Variants in PUM2 observed in about 807,000 individuals in gnomAD.
PUM2 encodes pumilio homolog 2.
Under a neutral mutation model 124.5 loss-of-function variants are expected in PUM2, and 57 were observed. The observed-to-expected ratio is 0.46, with a 90% confidence interval of 0.37 to 0.57. The LOEUF is 0.57. Among genes scored for constraint, PUM2 ranks in the 20% least tolerant of loss-of-function variants. PUM2 has a pLI of 0.00. For missense variants in PUM2, 1,065 were observed against 1,290.6 expected, an observed-to-expected ratio of 0.83 and a Z score of 2.68; for synonymous variants, 460 against 446.1, an observed-to-expected ratio of 1.03 and a Z score of -0.39.
rs71391758 is a variant in PUM2, at chr2:20,272,187, GAATA to G, written c.1957+6392_1957+6395del. 9.4e-3 allele frequency among the ~76,000 whole-genome samples: 1,390 copies of G among 147,452 alleles called. 30 individuals are homozygous for G. Among genetic ancestry groups the G allele is most frequent in the African/African-American group, 0.029 (1,112 of 39,004 alleles). On this transcript the variant is annotated intron_variant, in intron 13 of 20. Coordinates refer to ENST00000361078, the MANE Select transcript of PUM2 (RefSeq NM_015317.5). Reference sequence around the variant, plus strand: ...TGAATGAATGAATGAATGAATGAATGAATAAATAAATAAATAAATAGAAAAGCAT... The same window carrying G: ...TGAATGAATGAATGAATGAATGAATGAATAAATAAATAAATAGAAAAGCAT...
intron 20 of PUM2, among the ~76,000 whole-genome samples, chr2:20,253,535 G>C (rs1664005272): frequency 6.6e-6 from 1 of 150,574 alleles, no homozygotes; most frequent in Non-Finnish European, 1.5e-5. Context: ...TGTAGAGGGA[G>C]GGTCTTGCCA....
intron 6 of PUM2, 85 bp downstream of exon 6, chr2:20,308,229 C>A (rs1678794230): frequency 3.3e-6 from 5 of 1,509,490 alleles, no homozygotes; most frequent in Non-Finnish European, 4.5e-6. Context: ...AAAACCCCTA[C>A]CATTCTTTTC....
intron 1 of PUM2, among the ~76,000 whole-genome samples, chr2:20,344,679 C>G (rs763942548): frequency 9.9e-5 from 15 of 152,174 alleles, no homozygotes; most frequent in South Asian, 4.1e-4. Context: ...AAATTAACTT[C>G]TATAACATTT....
At chr2:20,294,584 C>T in intron 8 of PUM2, 66 bp from the exon 9 acceptor site, 1 of 1,470,764 alleles carries the variant, frequency 6.8e-7, no homozygotes, top group Non-Finnish European at 9.1e-7. Context: ...AGGTTAGCTA[C>T]CTATCATCAG....
intron 14 of PUM2, among the ~76,000 whole-genome samples, chr2:20,262,310 G>A (rs989128849): frequency 1.3e-5 from 2 of 152,178 alleles, no homozygotes; most frequent in African/African-American, 4.8e-5. Context: ...ACACGCATAT[G>A]ATTTTTTAAT....
intron 10 of PUM2, among the ~76,000 whole-genome samples, chr2:20,283,769 G>A (rs1672098580): frequency 6.6e-6 from 1 of 151,872 alleles, no homozygotes; most frequent in Non-Finnish European, 1.5e-5. Context: ...ATGAAGGAAG[G>A]GCTGATATTA....
intron 7 of PUM2, among the ~76,000 whole-genome samples, chr2:20,299,323 T>A (rs949830500): frequency 6.6e-6 from 1 of 151,932 alleles, no homozygotes; most frequent in African/African-American, 2.4e-5. Flanking sequence ...GCCCACACAT[T>A]TGGTCACAGA....
chr2:20,284,232 G>A (rs1354129024), intron 10 of PUM2, among the ~76,000 whole-genome samples: 1 of 152,210 alleles, frequency 6.6e-6, no homozygotes, highest in Non-Finnish European at 1.5e-5. Flanking sequence ...ATACACTGTG[G>A]ATACTTCAGA....
chr2:20,261,085 T>C (rs1347955177), intron 14 of PUM2, among the ~76,000 whole-genome samples: 2 of 152,040 alleles, frequency 1.3e-5, no homozygotes, highest in Non-Finnish European at 2.9e-5. Flanking sequence ...CCTACTGCAC[T>C]GTCAGTTTAT....
At chr2:20,255,118 T>C (rs1379080138) in intron 18 of PUM2, 98 bp downstream of exon 18, 4 of 1,471,090 alleles carry the variant, frequency 2.7e-6, no homozygotes, top group Non-Finnish European at 2.8e-6. Flanking sequence ...TGTCTCACTC[T>C]TGTCTATAGT....
chr2:20,263,430 A>G lies in PUM2; in HGVS notation c.1988T>C (p.Ile663Thr). Residue 663 changes from isoleucine (I) to threonine (T), a missense_variant, in exon 14 of 21, where the codon ATC becomes ACC. By Grantham distance (89) the Ile-to-Thr change is moderately conservative (BLOSUM62 -1). This residue lies in a region of PUM2 where 968 missense variants were observed against 1,159.8 expected (regional missense o/e 0.83). Coordinates refer to ENST00000361078, the MANE Select transcript of PUM2 (RefSeq NM_015317.5). ...TGCTTCTGCTCCAGGTGCTGCAGAG[A>G]TATATCGACCACTACCATTTGTCAG... is the stretch of plus-strand genomic sequence containing the variant. Reference protein sequence around the residue: ...GGLTNGSGRYISAAPGAEAKY... With the variant: ...GGLTNGSGRYTSAAPGAEAKY... The G allele has an allele frequency of 3.7e-6, 6 of 1,613,802 alleles. No individual in the cohort carries two copies. Among genetic ancestry groups the G allele is most frequent in the Non-Finnish European group, 5.1e-6 (6 of 1,179,678 alleles).
intron 17 of PUM2, 61 bp downstream of exon 17, chr2:20,255,972 G>T: frequency 7.0e-7 from 1 of 1,435,558 alleles, no homozygotes; most frequent in Non-Finnish European, 9.2e-7. Flanking sequence ...AAAACGTGTT[G>T]ATATTCAAAA....
chr2:20,313,178 C>G (rs920796240), intron 3 of PUM2, among the ~76,000 whole-genome samples: 1 of 152,154 alleles, frequency 6.6e-6, no homozygotes, highest in Non-Finnish European at 1.5e-5. Flanking sequence ...ACTAAAACAC[C>G]AAAAGCAATG....
intron 2 of PUM2, among the ~76,000 whole-genome samples, chr2:20,325,293 G>GA (rs1322986100): frequency 6.6e-6 from 1 of 152,214 alleles, no homozygotes; most frequent in African/African-American, 2.4e-5. Context: ...GAAGGTTACA[G>GA]ATACACTGAC....
chr2:20,316,187 G>A (rs148048290), intron 3 of PUM2, among the ~76,000 whole-genome samples: 1 of 152,214 alleles, frequency 6.6e-6, no homozygotes, highest in East Asian at 1.9e-4. Context: ...AATTTATAAT[G>A]TTTAAAGAAA....
chr2:20,251,808 A>G, intron 20 of PUM2, 92 bp from the exon 21 acceptor site: 3 of 1,430,712 alleles, frequency 2.1e-6, no homozygotes, highest in South Asian at 2.6e-5. Context: ...ATTTAGAGGA[A>G]TAACTGCAAT....
At chr2:20,351,578 T>C (rs1689346311), upstream of PUM2, among the ~76,000 whole-genome samples, 5 of 152,226 alleles carry the variant, frequency 3.3e-5, no homozygotes, top group South Asian at 1.0e-3. Flanking sequence ...CTTCCCCGTT[T>C]ACAGGCTAGT....
At chr2:20,345,631 T>C (rs1014946182) in intron 1 of PUM2, among the ~76,000 whole-genome samples, 5 of 152,152 alleles carry the variant, frequency 3.3e-5, no homozygotes, top group Non-Finnish European at 7.3e-5. Flanking sequence ...CCCAGCATTT[T>C]GGGAGGATGA....
intron 13 of PUM2, among the ~76,000 whole-genome samples, chr2:20,268,004 A>G (rs1668106493): frequency 6.6e-6 from 1 of 152,206 alleles, no homozygotes; most frequent in Non-Finnish European, 1.5e-5. Context: ...GTGGAGATAA[A>G]GCAGGTCCTC....
Sources: allele counts gnomAD v4.1 joint callset (sites outside exome capture counted in the v4.1 genomes callset), GRCh38; gene constraint gnomAD v4.1.1; regional missense constraint gnomAD v4.1.1; transcripts MANE v1.5; gene names NCBI Gene and HGNC (gene_info 2026-07-23, HGNC 2026-07-21).